Variants in PCDH15 observed in about 807,000 individuals in gnomAD.
PCDH15 encodes the protein protocadherin-15.
Under a neutral mutation model 178.5 loss-of-function variants are expected in PCDH15, and 129 were observed. The observed-to-expected ratio is 0.72, with a 90% confidence interval of 0.63 to 0.84. PCDH15 has a LOEUF of 0.84. Among genes scored for constraint, PCDH15 ranks in the 40% least tolerant of loss-of-function variants. PCDH15 has a pLI of 0.00. For synonymous variants in PCDH15, 800 were observed against 732.0 expected, an observed-to-expected ratio of 1.09 and a Z score of -1.50; for missense variants, 2,230 against 2,099.9, an observed-to-expected ratio of 1.06 and a Z score of -1.21.
intron 2 of PCDH15, among the ~76,000 whole-genome samples, chr10:55,410,290 G>A (rs1335797345): frequency 6.6e-6 from 1 of 151,970 alleles, no homozygotes; most frequent in African/African-American, 2.4e-5. Context: ...TGAGAAGGAG[G>A]CCAGCTGGAA....
chr10:55,413,037 T>C (rs1203611604), intron 2 of PCDH15, among the ~76,000 whole-genome samples: 2 of 151,792 alleles, frequency 1.3e-5, no homozygotes, highest in Non-Finnish European at 2.9e-5. Flanking sequence ...ATCTAACATA[T>C]GCATCATTAA....
chr10:53,936,976 T>C (rs922121619), intron 25 of PCDH15, among the ~76,000 whole-genome samples: 3 of 152,122 alleles, frequency 2.0e-5, no homozygotes, highest in Admixed American at 2.0e-4. Context: ...GGTTTTTATT[T>C]CAAACTTAGG....
chr10:55,370,528 A>T (rs1263135389), intron 2 of PCDH15, among the ~76,000 whole-genome samples: 2 of 152,090 alleles, frequency 1.3e-5, no homozygotes, highest in Non-Finnish European at 2.9e-5. Flanking sequence ...TTTTGCAACC[A>T]ACTGTTCTTC....
chr10:54,255,189 C>G (rs186668477), intron 8 of PCDH15, among the ~76,000 whole-genome samples: 82 of 152,300 alleles, frequency 5.4e-4, no homozygotes, highest in African/African-American at 1.9e-3. Flanking sequence ...CCTTTTAACC[C>G]TTTCTGATAA....
intron 2 of PCDH15, among the ~76,000 whole-genome samples, chr10:55,071,646 T>C (rs1478150275): frequency 1.3e-5 from 2 of 152,050 alleles, no homozygotes; most frequent in African/African-American, 4.8e-5. Context: ...ACAATAATAA[T>C]GGGAGACTTT....
intron 10 of PCDH15, among the ~76,000 whole-genome samples, chr10:54,200,738 C>G (rs2050150277): frequency 6.6e-6 from 1 of 152,138 alleles, no homozygotes; most frequent in Non-Finnish European, 1.5e-5. Flanking sequence ...TCCTATTTTA[C>G]TACCCATTTT....
At chr10:54,272,940 G>C (rs1456086734) in intron 8 of PCDH15, among the ~76,000 whole-genome samples, 7 of 152,112 alleles carry the variant, frequency 4.6e-5, no homozygotes, top group Non-Finnish European at 8.8e-5. Context: ...CCTAAGGGAT[G>C]ATATCTTTCT....
At chr10:53,970,487 A>G (rs928237242) in intron 21 of PCDH15, among the ~76,000 whole-genome samples, 1 of 147,108 alleles carries the variant, frequency 6.8e-6, no homozygotes, top group Non-Finnish European at 1.5e-5. Context: ...CAAAAAATCA[A>G]TGAATCCAGG....
At chr10:54,762,083 C>A (rs1394243447) in intron 1 of PCDH15, among the ~76,000 whole-genome samples, 1 of 152,048 alleles carries the variant, frequency 6.6e-6, no homozygotes, top group Non-Finnish European at 1.5e-5. Context: ...GATATACTCT[C>A]CAACTAATTT....
At chr10:54,567,005 G>A (rs1386572301) in intron 2 of PCDH15, among the ~76,000 whole-genome samples, 1 of 151,956 alleles carries the variant, frequency 6.6e-6, no homozygotes, top group African/African-American at 2.4e-5. Context: ...GTGTCATCAG[G>A]GTTTAGAATT....
chr10:54,953,651 C>G (rs1838402972), intron 2 of PCDH15, among the ~76,000 whole-genome samples: 1 of 151,176 alleles, frequency 6.6e-6, no homozygotes, highest in Non-Finnish European at 1.5e-5. Context: ...TAAAATTATT[C>G]TAATAGCACT....
At chr10:54,038,611 A>G (rs1371607164) in intron 18 of PCDH15, among the ~76,000 whole-genome samples, 3 of 151,854 alleles carry the variant, frequency 2.0e-5, no homozygotes, top group Non-Finnish European at 4.4e-5. Context: ...GGGTGTGACT[A>G]TGGGCAAGGG....
intron 2 of PCDH15, among the ~76,000 whole-genome samples, chr10:55,566,664 T>A (rs533859092): frequency 2.0e-5 from 3 of 151,790 alleles, no homozygotes; most frequent in African/African-American, 7.2e-5. Flanking sequence ...AAAAACAAAA[T>A]TAATAAAATA....
chr10:54,148,527 C>T (rs1244595167), intron 14 of PCDH15, among the ~76,000 whole-genome samples: 1 of 151,964 alleles, frequency 6.6e-6, no homozygotes, highest in Non-Finnish European at 1.5e-5. Flanking sequence ...ATGTTCTCCC[C>T]AAATATTTTC....
In PCDH15 at chr10:54,501,900, G is replaced by T. The variant is rs1337285644; in HGVS notation, c.157+25912C>A. ...AAAATACTTGTATTTTCCAATTTTTGCATGCATGCATGCATATCCATCTGT... is the reference window on the plus strand; with the variant it reads ...AAAATACTTGTATTTTCCAATTTTTTCATGCATGCATGCATATCCATCTGT... On this transcript the variant is annotated intron_variant, in intron 3 of 37. Transcript: ENST00000644397. 2.0e-5 allele frequency among the ~76,000 whole-genome samples: 3 copies of T among 151,648 alleles called. No homozygotes were observed. In the East Asian group the frequency reaches 5.8e-4, roughly 29 times the overall value.
chr10:54,342,095 T>TG (rs1482033426), intron 6 of PCDH15, among the ~76,000 whole-genome samples: 1 of 152,162 alleles, frequency 6.6e-6, no homozygotes, highest in Non-Finnish European at 1.5e-5. Flanking sequence ...TCCCATTTTC[T>TG]GGGGGAAAAT....
intron 2 of PCDH15, among the ~76,000 whole-genome samples, chr10:55,464,163 T>C (rs746515952): frequency 2.0e-5 from 3 of 152,144 alleles, no homozygotes; most frequent in Non-Finnish European, 4.4e-5. Context: ...TTTTGTTTAA[T>C]CATCATTGTT....
chr10:54,306,440 C>T lies in PCDH15; in HGVS notation c.876+10831G>A, dbSNP rs12250646. Among the ~76,000 whole-genome samples, 893 of 152,074 alleles carry T rather than the reference C, an allele frequency of 5.9e-3. 12 individuals carry two copies. The highest frequency in any genetic ancestry group is 0.021 in the African/African-American group (877 of 41,508). On this transcript the variant is annotated intron_variant, in intron 8 of 37. Transcript: ENST00000644397. ...GTTCAAAATCTGTAGGACAGGCCAG[C>T]AGGCTGGAGACATAGGGAGGAATTG...
chr10:54,658,028 C>A lies in PCDH15; in HGVS notation c.91+6144G>T, dbSNP rs184152256. On this transcript the variant is annotated intron_variant, in intron 2 of 37. Coordinates refer to ENST00000644397, the MANE Select transcript of PCDH15 (RefSeq NM_001384140.1). ...TTCAAAACATAGTTGAAAGCTTTAA[C>A]AATACACTAGACCATTCAGAAGCCT... Among the ~76,000 whole-genome samples the A allele has an allele frequency of 1.1e-4, 16 of 152,206 alleles. No individual in the cohort carries two copies. In the East Asian group the frequency reaches 2.9e-3, roughly 28 times the overall value.
Sources: allele counts gnomAD v4.1 joint callset (sites outside exome capture counted in the v4.1 genomes callset), GRCh38; gene constraint gnomAD v4.1.1; transcripts MANE v1.5; gene names NCBI Gene and HGNC (gene_info 2026-07-23, HGNC 2026-07-21).